The following METTL14 variants were observed in gnomAD, a reference collection of about 807,000 sequenced individuals.
METTL14 encodes methyltransferase 14, N6-adenosine-methyltransferase non-catalytic subunit.
METTL14 carries 32 observed loss-of-function variants against 62.4 expected under a neutral mutation model. The ratio of observed to expected loss-of-function variants is 0.51; its 90% confidence interval spans 0.39 to 0.69. METTL14 has a LOEUF of 0.69. Among genes scored for constraint, METTL14 ranks in the 30% least tolerant of loss-of-function variants. The pLI is 0.00. For missense variants in METTL14, 340 were observed against 551.9 expected (o/e 0.62, Z 3.85); for synonymous variants, 150 against 180.0 (o/e 0.83, Z 1.34).
At chr4:118,686,152 C>T (rs1194552594) in intron 1 of METTL14, among the ~76,000 whole-genome samples, 1 of 152,162 alleles carries the variant, frequency 6.6e-6, no homozygotes, top group African/African-American at 2.4e-5. Context: ...CAATAATCTC[C>T]TGAAACAGGT....
Position 118,688,010 on chromosome 4 carries a change from A to G in METTL14, c.154A>G (p.Arg52Gly). Residue 52 changes from arginine (R) to glycine (G), a missense_variant and splice_region_variant, in exon 2 of 11, where the codon AGG (arginine) becomes GGG (glycine). Around this residue, in one of 7 missense-constraint regions of METTL14, gnomAD observed 111 missense variants for 116.6 expected, o/e 0.95. Coordinates refer to ENST00000388822, the MANE Select transcript of METTL14 (RefSeq NM_020961.4). ...REIAETRETC[R>G]ASYDTSAPNA... is the part of the protein sequence containing the mutation. Reference sequence around the variant, plus strand: ...AATTGCTGAAACAAGAGAAACTTGCAGGTCAGTCAGATAATTCTTTTTTTT... The same window carrying G: ...AATTGCTGAAACAAGAGAAACTTGCGGGTCAGTCAGATAATTCTTTTTTTT... 1 of 1,583,056 alleles carries G rather than the reference A, an allele frequency of 6.3e-7. No homozygotes were observed. The highest frequency in any genetic ancestry group is 8.6e-7 in the Non-Finnish European group (1 of 1,157,194).
chr4:118,686,599 C>T (rs1724068871), intron 1 of METTL14: 1 of 456,036 alleles, frequency 2.2e-6, no homozygotes, highest in Admixed American at 2.4e-5. Context: ...AGATTTGTTC[C>T]TTTGTTCCTT....
chr4:118,691,957 A>C (rs760982819), intron 4 of METTL14, 24 bp from the exon 5 acceptor site: 1 of 1,510,900 alleles, frequency 6.6e-7, no homozygotes, highest in Non-Finnish European at 9.2e-7. Flanking sequence ...CATGTTACAA[A>C]TTTAATTTTG....
At chr4:118,705,934 T>C in intron 10 of METTL14, 113 bp downstream of exon 10, 1 of 861,806 alleles carries the variant, frequency 1.2e-6, no homozygotes, top group South Asian at 1.7e-5. Context: ...CTTTTCTTGC[T>C]GTACTTCAAA....
intron 7 of METTL14, among the ~76,000 whole-genome samples, chr4:118,698,009 ATTG>A (rs1385442290): frequency 6.6e-6 from 1 of 152,124 alleles, no homozygotes; most frequent in Non-Finnish European, 1.5e-5. Context: ...GTAGGTTGGT[ATTG>A]TTGGAACACA....
chr4:118,700,104 GTTC>G (rs1001950606), intron 7 of METTL14, among the ~76,000 whole-genome samples: 2 of 151,830 alleles, frequency 1.3e-5, no homozygotes, highest in African/African-American at 2.4e-5. Flanking sequence ...TTATTGAGAA[GTTC>G]TTCTGTAGAC....
chr4:118,690,540 C>T (rs1211563930), intron 3 of METTL14, among the ~76,000 whole-genome samples: 1 of 151,870 alleles, frequency 6.6e-6, no homozygotes, highest in African/African-American at 2.4e-5. Context: ...ATTAGCTGGG[C>T]ATGGTGGCAC....
chr4:118,697,379 T>C, intron 7 of METTL14, 56 bp downstream of exon 7: 3 of 1,408,092 alleles, frequency 2.1e-6, no homozygotes, highest in Non-Finnish European at 2.9e-6. Context: ...TGAATATGTT[T>C]ATTTGGTCAG....
rs1724558406 is a variant in METTL14, at chr4:118,700,583, C to A, written c.679C>A (p.Pro227Thr). The A allele has an allele frequency of 1.2e-6, 2 of 1,612,896 alleles. No individual in the cohort carries two copies. The highest frequency in any genetic ancestry group is 1.7e-6 in the Non-Finnish European group (2 of 1,179,350). Residue 227 changes from proline (P) to threonine (T), a missense_variant, in exon 8 of 11, where the codon CCT becomes ACT. Coordinates refer to ENST00000388822, the MANE Select transcript of METTL14 (RefSeq NM_020961.4). ...MKLEIDEIAA[P>T]RSFIFLWCGS... ...GTTAGAAATTGATGAGATTGCAGCA[C>A]CTCGATCATTTATTTTTCTCTGGTG...
At chr4:118,692,173 C>A in intron 5 of METTL14, 105 bp downstream of exon 5, 5 of 715,034 alleles carry the variant, frequency 7.0e-6, no homozygotes, top group Non-Finnish European at 9.4e-6. Context: ...TCCAGCTTGA[C>A]ATCTTTTTTT....
rs201376395 is a variant in METTL14, at chr4:118,701,192, TG to T, written c.738+551del. On this transcript the variant is annotated intron_variant, in intron 8 of 10. Transcript: ENST00000388822. ...ATTGGAGTTTTTTTTTGTTTTTTTT[TG>T]TTTTTTTGAGACAAGGTACCAACTC... is the stretch of plus-strand genomic sequence containing the variant. Among the ~76,000 whole-genome samples, 5 of 147,494 alleles carry T rather than the reference TG, an allele frequency of 3.4e-5. 1 individual carries two copies. Among genetic ancestry groups the T allele is most frequent in the African/African-American group, 5.0e-5 (2 of 40,330 alleles).
rs770386157 is a variant in METTL14, at chr4:118,689,329, C to T, written c.156-41C>T. On this transcript the variant is annotated intron_variant, in intron 2 of 10. Coordinates refer to ENST00000388822, the MANE Select transcript of METTL14 (RefSeq NM_020961.4). ...ATTATTAATAGATGCATTTATACAT[C>T]TTGTATATATTTATGGGTAATATTT... 6 of 1,080,696 alleles carry T rather than the reference C, an allele frequency of 5.6e-6. No individual in the cohort carries two copies. The East Asian group carries it at 7.4e-5, about 13-fold the overall frequency. The allele number at this position is 1,080,696 out of a possible 1,614,324, so 66.9% of individuals were successfully genotyped here. A position where few individuals can be genotyped will look rare whatever the true frequency, so the allele number is the denominator to read the frequency against.
At chr4:118,708,687 C>CT (rs1218586461) in intron 10 of METTL14, among the ~76,000 whole-genome samples, 1 of 152,116 alleles carries the variant, frequency 6.6e-6, no homozygotes, top group Non-Finnish European at 1.5e-5. Flanking sequence ...CATTTTATAG[C>CT]TTTTTATGAT....
chr4:118,691,600 T>C lies in METTL14; in HGVS notation c.312T>C (p.Ser104=). 2 of 1,510,028 alleles carry C rather than the reference T, an allele frequency of 1.3e-6. No homozygotes were observed. Among genetic ancestry groups the C allele is most frequent in the Admixed American group, 4.1e-5 (2 of 48,852 alleles). 93.5% of individuals were successfully genotyped at this position (1,510,028 alleles called of 1,614,324 possible). ...AAGAAGAGATTTACAAAGATTCTAGTACTTTTCTTAAGGTAAAATAAATAA... is the reference window on the plus strand; with the variant it reads ...AAGAAGAGATTTACAAAGATTCTAGCACTTTTCTTAAGGTAAAATAAATAA... ...PYEEEIYKDS[S]TFLKGTQSLN... The change falls in exon 4 of 11, where the codon AGT becomes AGC. Residue 104 remains serine, a synonymous_variant. Coordinates refer to ENST00000388822, the MANE Select transcript of METTL14 (RefSeq NM_020961.4).
At chr4:118,691,434 A>C in intron 3 of METTL14, 98 bp from the exon 4 acceptor site, 1 of 633,550 alleles carries the variant, frequency 1.6e-6, no homozygotes. Context: ...AACATTTATT[A>C]AATCTTAAGG....
chr4:118,704,085 T>A, intron 9 of METTL14, 34 bp downstream of exon 9: 1 of 1,334,018 alleles, frequency 7.5e-7, no homozygotes, highest in Non-Finnish European at 1.0e-6. Context: ...TTTTTAATTT[T>A]TGTGATTTTC....
chr4:118,690,202 G>A (rs932460295), intron 3 of METTL14, among the ~76,000 whole-genome samples: 20 of 150,766 alleles, frequency 1.3e-4, no homozygotes, highest in African/African-American at 4.4e-4. Context: ...CACGACGCCC[G>A]GCTATTTTTG....
intron 7 of METTL14, among the ~76,000 whole-genome samples, chr4:118,698,356 G>A (rs1724483106): frequency 6.6e-6 from 1 of 151,140 alleles, no homozygotes; most frequent in African/African-American, 2.4e-5. Context: ...GGGAGGCTGA[G>A]GCAAGACAAT....
At chr4:118,691,907 T>C in intron 4 of METTL14, 74 bp from the exon 5 acceptor site, 3 of 947,386 alleles carry the variant, frequency 3.2e-6, no homozygotes, top group Non-Finnish European at 4.9e-6. Flanking sequence ...CACCTTGTAA[T>C]AGAAAACAGT....
Sources: gnomAD v4.1 joint callset for allele counts (sites outside exome capture counted in the v4.1 genomes callset) on GRCh38, gnomAD v4.1.1 for gene constraint, gnomAD v4.1.1 regional missense constraint, MANE v1.5 for transcripts, NCBI Gene and HGNC (gene_info 2026-07-23, HGNC 2026-07-21) for gene names.